The following DLG2 variants were observed in gnomAD, a reference collection of about 807,000 sequenced individuals.
The protein encoded by DLG2 is discs large MAGUK scaffold protein 2.
Under a neutral mutation model 132.5 loss-of-function variants are expected in DLG2, and 45 were observed. That is an observed-to-expected ratio of 0.34 (90% CI 0.27 to 0.44). The LOEUF is 0.44. Ranked by LOEUF, DLG2 falls within the 20% of genes least tolerant of loss-of-function variation. DLG2 has a pLI of 1.00. For missense variants in DLG2, 1,045 were observed against 1,196.9 expected (o/e 0.87, Z 1.87); for synonymous variants, 424 against 419.6 (o/e 1.01, Z -0.13).
At chr11:83,498,174 G>C (rs886501058) in intron 21 of DLG2, among the ~76,000 whole-genome samples, 1 of 152,100 alleles carries the variant, frequency 6.6e-6, no homozygotes, top group East Asian at 1.9e-4. Context: ...GAATTTGGCT[G>C]TATGACTTTA....
chr11:85,411,845 C>T (rs1285620075), intron 3 of DLG2, among the ~76,000 whole-genome samples: 1 of 151,788 alleles, frequency 6.6e-6, no homozygotes, highest in Non-Finnish European at 1.5e-5. Flanking sequence ...AACCAATTTG[C>T]TTATTCATAC....
In DLG2 at chr11:85,012,005, T is replaced by C. The variant is rs2059181950; in HGVS notation, c.357+99656A>G. On this transcript the variant is annotated intron_variant, in intron 6 of 27. Transcript: ENST00000376104. ...AGGAAACCATAGACTGGTCAACAAG[T>C]TAGGTATATAAACAGATCATTAAAA... 2.0e-5 allele frequency among the ~76,000 whole-genome samples: 3 copies of C among 152,228 alleles called. No homozygotes were observed. In the South Asian group the frequency reaches 6.2e-4, roughly 32 times the overall value.
At chr11:84,005,289 A>G (rs2094527986) in intron 11 of DLG2, among the ~76,000 whole-genome samples, 1 of 151,874 alleles carries the variant, frequency 6.6e-6, no homozygotes, top group Non-Finnish European at 1.5e-5. Flanking sequence ...GGAATATTGG[A>G]TATCCACATG....
chr11:83,721,744 C>T (rs2088628082), intron 18 of DLG2, among the ~76,000 whole-genome samples: 1 of 152,164 alleles, frequency 6.6e-6, no homozygotes, highest in Admixed American at 6.5e-5. Context: ...GGAATGTCGA[C>T]CTCAACGCTC....
intron 8 of DLG2, among the ~76,000 whole-genome samples, chr11:84,177,076 C>G (rs1257171837): frequency 6.6e-6 from 1 of 152,076 alleles, no homozygotes; most frequent in Admixed American, 6.6e-5. Context: ...AACAAACTTA[C>G]AGCAAAAAGC....
chr11:84,395,552 G>A (rs1438863516), intron 7 of DLG2, among the ~76,000 whole-genome samples: 2 of 151,980 alleles, frequency 1.3e-5, no homozygotes, highest in Non-Finnish European at 2.9e-5. Context: ...TGAGTAGCTG[G>A]GACTACAGAT....
At chr11:84,402,485 C>G (rs1019072656) in intron 7 of DLG2, among the ~76,000 whole-genome samples, 2 of 151,964 alleles carry the variant, frequency 1.3e-5, no homozygotes, top group Non-Finnish European at 2.9e-5. Flanking sequence ...TGGTACAAAT[C>G]CAGGGCTTTT....
At chr11:84,435,285 T>C (rs1364969961) in intron 7 of DLG2, among the ~76,000 whole-genome samples, 4 of 152,212 alleles carry the variant, frequency 2.6e-5, no homozygotes, top group Non-Finnish European at 5.9e-5. Flanking sequence ...TTTAAAATTA[T>C]AGTTTTAAAT....
At chr11:84,890,521 C>A (rs1217275881) in intron 6 of DLG2, among the ~76,000 whole-genome samples, 1 of 152,150 alleles carries the variant, frequency 6.6e-6, no homozygotes, top group Non-Finnish European at 1.5e-5. Context: ...AAGAAACAGG[C>A]CTTATTCATC....
chr11:84,385,344 G>T (rs1049623584), intron 7 of DLG2, among the ~76,000 whole-genome samples: 1 of 152,078 alleles, frequency 6.6e-6, no homozygotes, highest in African/African-American at 2.4e-5. Context: ...ACAGGGTAAA[G>T]AACTTGTTCT....
At chr11:85,522,390 T>A (rs1033582275) in intron 3 of DLG2, among the ~76,000 whole-genome samples, 2 of 152,104 alleles carry the variant, frequency 1.3e-5, no homozygotes, top group African/African-American at 4.8e-5. Context: ...TCATGGAGAA[T>A]CTCTGCTAGG....
At chr11:84,524,022 T>C (rs1185788857) in intron 7 of DLG2, among the ~76,000 whole-genome samples, 1 of 152,188 alleles carries the variant, frequency 6.6e-6, no homozygotes, top group Non-Finnish European at 1.5e-5. Context: ...GTCCAGTCTT[T>C]TGGCTTCCTT....
intron 17 of DLG2, among the ~76,000 whole-genome samples, chr11:83,803,072 T>C (rs1042417893): frequency 4.6e-5 from 7 of 152,172 alleles, no homozygotes; most frequent in Non-Finnish European, 2.9e-5. Context: ...AAAGGGGTTA[T>C]GTAGGCAAAT....
At chr11:84,907,410 A>C (rs958617322) in intron 6 of DLG2, among the ~76,000 whole-genome samples, 3 of 152,178 alleles carry the variant, frequency 2.0e-5, no homozygotes, top group Admixed American at 2.0e-4. Context: ...CAGGACATCA[A>C]AGGGAGTCTG....
intron 3 of DLG2, among the ~76,000 whole-genome samples, chr11:85,360,689 G>A (rs1475650374): frequency 6.6e-6 from 1 of 152,148 alleles, no homozygotes; most frequent in African/African-American, 2.4e-5. Context: ...TTACCAGGAT[G>A]CTTCAAACTT....
intron 3 of DLG2, among the ~76,000 whole-genome samples, chr11:85,581,848 C>T (rs1006356489): frequency 1.4e-4 from 21 of 151,898 alleles, no homozygotes; most frequent in African/African-American, 4.6e-4. Context: ...TTTTTATTGT[C>T]TCAATAAAAT....
intron 14 of DLG2, among the ~76,000 whole-genome samples, chr11:83,931,375 T>C (rs2080182387): frequency 6.6e-6 from 1 of 152,238 alleles, no homozygotes; most frequent in Non-Finnish European, 1.5e-5. Context: ...AACATTCTCA[T>C]GATAATGTCA....
chr11:85,274,857 C>T (rs1359055729), intron 4 of DLG2, among the ~76,000 whole-genome samples: 4 of 152,290 alleles, frequency 2.6e-5, no homozygotes, highest in Admixed American at 2.0e-4. Flanking sequence ...CACAGAGAGG[C>T]CAAGAATAAT....
intron 6 of DLG2, among the ~76,000 whole-genome samples, chr11:84,559,364 T>A (rs1418773438): frequency 6.6e-6 from 1 of 152,058 alleles, no homozygotes; most frequent in Non-Finnish European, 1.5e-5. Flanking sequence ...TAGGGAACAA[T>A]TAGAGACACA....
Sources: allele counts gnomAD v4.1 joint callset (sites outside exome capture counted in the v4.1 genomes callset), GRCh38; gene constraint gnomAD v4.1.1; transcripts MANE v1.5; gene names NCBI Gene and HGNC (gene_info 2026-07-23, HGNC 2026-07-21).